ADCY5: variants seen among roughly 807,000 people sequenced by gnomAD.
ADCY5 encodes adenylate cyclase 5.
A neutral mutation model predicts 119.7 loss-of-function variants in ADCY5; 30 were observed. The observed-to-expected ratio is 0.25, with a 90% confidence interval of 0.19 to 0.34. The LOEUF (loss-of-function observed/expected upper bound fraction) is 0.34, where lower values mean the gene tolerates loss of function less well. Among genes scored for constraint, ADCY5 ranks in the 10% least tolerant of loss-of-function variants. The probability of loss-of-function intolerance (pLI) is 1.00; values close to 1 mark genes in which losing one functional copy is unlikely to be tolerated. For missense variants in ADCY5, 1,324 were observed against 1,775.2 expected, an observed-to-expected ratio of 0.75 and a Z score of 4.57; for synonymous variants, 753 against 762.2, an observed-to-expected ratio of 0.99 and a Z score of 0.20.
intron 1 of ADCY5, among the ~76,000 whole-genome samples, chr3:123,358,130 G>A (rs570147769): frequency 4.0e-5 from 6 of 150,780 alleles, no homozygotes; most frequent in Non-Finnish European, 7.4e-5. Context: ...CTGGCCTCAC[G>A]GGACACATCT....
chr3:123,437,000 C>T (rs954834351), intron 1 of ADCY5, among the ~76,000 whole-genome samples: 4 of 152,028 alleles, frequency 2.6e-5, no homozygotes, highest in Non-Finnish European at 5.9e-5. Flanking sequence ...GCCCCTGAGA[C>T]AAGGATTTGA....
intron 1 of ADCY5, among the ~76,000 whole-genome samples, chr3:123,437,301 T>G (rs916670896): frequency 5.3e-5 from 8 of 152,134 alleles, no homozygotes; most frequent in African/African-American, 1.9e-4. Flanking sequence ...AGTAACTCCC[T>G]GGCACTTCTG....
At chr3:123,375,095 C>G (rs1435845738) in intron 1 of ADCY5, among the ~76,000 whole-genome samples, 3 of 152,220 alleles carry the variant, frequency 2.0e-5, no homozygotes, top group African/African-American at 4.8e-5. Flanking sequence ...GCCCCATCCC[C>G]TGGTGACACC....
chr3:123,331,071 G>T, intron 4 of ADCY5, 55 bp from the exon 5 acceptor site: 1 of 1,561,228 alleles, frequency 6.4e-7, no homozygotes. Flanking sequence ...GAAGTGGGAG[G>T]GAAAGAAACG....
chr3:123,357,561 G>T (rs1157162481), intron 1 of ADCY5, among the ~76,000 whole-genome samples: 1 of 152,166 alleles, frequency 6.6e-6, no homozygotes, highest in Admixed American at 6.5e-5. Context: ...AGGGTGCCTT[G>T]GTGTTCATCT....
chr3:123,428,654 T>A (rs992963095), intron 1 of ADCY5, among the ~76,000 whole-genome samples: 1 of 152,142 alleles, frequency 6.6e-6, no homozygotes, highest in Non-Finnish European at 1.5e-5. Context: ...TCCCCATCAC[T>A]TCAGGGAAAG....
intron 1 of ADCY5, among the ~76,000 whole-genome samples, chr3:123,375,203 G>A (rs961812816): frequency 4.6e-5 from 7 of 152,214 alleles, no homozygotes; most frequent in Admixed American, 6.5e-5. Context: ...TGAGAAGTTC[G>A]ACGTGGAGGA....
At chr3:123,359,250 A>C (rs1351055447) in intron 1 of ADCY5, among the ~76,000 whole-genome samples, 1 of 149,598 alleles carries the variant, frequency 6.7e-6, no homozygotes, top group African/African-American at 2.5e-5. Flanking sequence ...TGTTCAGTTA[A>C]ATTTGAATTA....
chr3:123,416,409 CA>C, intron 1 of ADCY5: 1 of 1,403,676 alleles, frequency 7.1e-7, no homozygotes, highest in Non-Finnish European at 9.5e-7. Flanking sequence ...ACAGCCTGGA[CA>C]ACCTCCCAAA....
At chr3:123,298,320 C>T (rs955852205) in intron 15 of ADCY5, among the ~76,000 whole-genome samples, 1 of 152,204 alleles carries the variant, frequency 6.6e-6, no homozygotes, top group Non-Finnish European at 1.5e-5. Flanking sequence ...TAGAGCCAAA[C>T]CATGGTCTCC....
At chr3:123,362,226 G>A (rs1036004606) in intron 1 of ADCY5, among the ~76,000 whole-genome samples, 3 of 152,158 alleles carry the variant, frequency 2.0e-5, no homozygotes, top group African/African-American at 7.2e-5. Flanking sequence ...TGTTATTGAG[G>A]AACTGCCCAA....
At chr3:123,363,461 T>G (rs913671525) in intron 1 of ADCY5, among the ~76,000 whole-genome samples, 16 of 152,176 alleles carry the variant, frequency 1.1e-4, no homozygotes, top group Admixed American at 2.6e-4. Context: ...TTCCAAATAT[T>G]CATACCCTCT....
Position 123,448,589 on chromosome 3 carries a change from C to T in ADCY5, c.-44G>A, listed in dbSNP as rs1576705167. ...GTCTCCTTCCTCCTCCCCCGGAAGC[C>T]GGGCCGGGGGTCTCCAAGGGGAGGG... On this transcript the variant is annotated 5_prime_UTR_variant, in exon 1 of 21. Transcript: ENST00000462833. 3.2e-6 allele frequency: 4 copies of T among 1,267,364 alleles called. No individual in the cohort carries two copies. The East Asian group carries it at 1.3e-4, about 40-fold the overall frequency. 78.5% of individuals were successfully genotyped at this position (1,267,364 alleles called of 1,614,324 possible).
intron 12 of ADCY5, among the ~76,000 whole-genome samples, chr3:123,311,667 C>G (rs371030833): frequency 2.2e-4 from 33 of 152,276 alleles, no homozygotes; most frequent in African/African-American, 7.9e-4. Flanking sequence ...GGAGTCTATT[C>G]AATGGATGGA....
intron 12 of ADCY5, among the ~76,000 whole-genome samples, chr3:123,308,180 C>T (rs185604163): frequency 1.3e-5 from 2 of 151,560 alleles, no homozygotes; most frequent in African/African-American, 4.9e-5. Flanking sequence ...ACTACAGGCG[C>T]CCACCACCAC....
chr3:123,430,739 T>C (rs1283947315), intron 1 of ADCY5, among the ~76,000 whole-genome samples: 1 of 152,226 alleles, frequency 6.6e-6, no homozygotes. Context: ...GACATCTCCC[T>C]GTCCTGACTA....
At position 123,448,112 on chromosome 3, in the gene ADCY5, G is replaced by A. The variant is rs1559883053; in HGVS notation, c.434C>T (p.Ser145Leu). Residue 145 changes from serine to leucine, a missense_variant, in exon 1 of 21, where the codon TCG (serine) becomes TTG (leucine). Around this residue, in one of 6 missense-constraint regions of ADCY5, gnomAD observed 585 missense variants for 569.9 expected, o/e 1.03. Transcript: ENST00000462833. ...AGGGCGCACCTCCGTCCCGCCCGCCGAGGCAGCCGCCGCCGCCGAGCCGCC... is the reference window on the plus strand; with the variant it reads ...AGGGCGCACCTCCGTCCCGCCCGCCAAGGCAGCCGCCGCCGCCGAGCCGCC... ...GGGGSAAAAA[S>L]AGGTEVRPRS... is the part of the protein sequence containing the mutation. 2 of 1,118,370 alleles carry A rather than the reference G, an allele frequency of 1.8e-6. No individual in the cohort carries two copies. 69.3% of individuals were successfully genotyped at this position (1,118,370 alleles called of 1,614,324 possible).
intron 1 of ADCY5, among the ~76,000 whole-genome samples, chr3:123,370,868 G>A (rs923094978): frequency 2.0e-5 from 3 of 151,954 alleles, no homozygotes; most frequent in Non-Finnish European, 4.4e-5. Flanking sequence ...ACGTGCTCTG[G>A]GGCAGAAGGG....
chr3:123,358,816 C>T (rs1943135662), intron 1 of ADCY5, among the ~76,000 whole-genome samples: 1 of 152,164 alleles, frequency 6.6e-6, no homozygotes. Flanking sequence ...TCTGGCTGCC[C>T]GCAGGCTGCA....
Sources: allele counts gnomAD v4.1 joint callset (sites outside exome capture counted in the v4.1 genomes callset), GRCh38; gene constraint gnomAD v4.1.1; regional missense constraint gnomAD v4.1.1; transcripts MANE v1.5; gene names NCBI Gene and HGNC (gene_info 2026-07-23, HGNC 2026-07-21).